TNS1: variants seen among roughly 807,000 people sequenced by gnomAD.
The protein encoded by TNS1 is tensin 1, also known as tensin-1.
A neutral mutation model predicts 168.6 loss-of-function variants in TNS1; 62 were observed. The observed-to-expected ratio is 0.37, with a 90% CI of 0.30 to 0.45. The LOEUF (loss-of-function observed/expected upper bound fraction) is 0.45, where lower values mean the gene tolerates loss of function less well. Ranked by LOEUF, TNS1 falls within the 20% of genes least tolerant of loss-of-function variation. The pLI, the probability that TNS1 is intolerant of heterozygous loss-of-function variation, is 1.00. For missense variants in TNS1, 2,240 were observed against 2,339.4 expected (o/e 0.96, Z 0.88); for synonymous variants, 934 against 933.2 (o/e 1.00, Z -0.02).
intron 3 of TNS1, among the ~76,000 whole-genome samples, chr2:217,955,428 T>A (rs1379106858): frequency 6.6e-6 from 1 of 152,080 alleles, no homozygotes; most frequent in African/African-American, 2.4e-5. Context: ...ACACGAGCCT[T>A]CCTCCCGCAC....
chr2:217,984,713 G>A (rs554494168), intron 2 of TNS1, among the ~76,000 whole-genome samples: 14 of 148,440 alleles, frequency 9.4e-5, no homozygotes, highest in African/African-American at 3.0e-4. Context: ...GGCTGGTATC[G>A]AACTCCTGGG....
At position 217,880,664 on chromosome 2, in the gene TNS1, C is replaced by T. The variant is rs1950593481; in HGVS notation, c.1429+234G>A. Among the ~76,000 whole-genome samples the T allele has an allele frequency of 6.6e-6, 1 of 152,174 alleles. No individual in the cohort carries two copies. Among genetic ancestry groups the T allele is most frequent in the African/African-American group, 2.4e-5 (1 of 41,432 alleles). Reference sequence around the variant, plus strand: ...TGTAGCAACACACTTCCACGATAACCCCCTTGTGGCCATTTTGCTGCCTTC... The same window carrying T: ...TGTAGCAACACACTTCCACGATAACTCCCTTGTGGCCATTTTGCTGCCTTC... On this transcript the variant is annotated intron_variant, in intron 18 of 32. Coordinates refer to ENST00000682258, the MANE Select transcript of TNS1 (RefSeq NM_001387777.1). The surrounding 1 kb of genome is among the most constrained non-coding windows in gnomAD (Gnocchi z 4.2).
At chr2:217,893,652 G>A (rs1171602113) in intron 9 of TNS1, 91 bp from the exon 10 acceptor site, 1 of 1,491,460 alleles carries the variant, frequency 6.7e-7, no homozygotes, top group Non-Finnish European at 9.0e-7. Context: ...GCCAGTACCT[G>A]GGCAGTGGCC....
chr2:217,925,389 C>A (rs548829801), intron 3 of TNS1, among the ~76,000 whole-genome samples: 1 of 152,250 alleles, frequency 6.6e-6, no homozygotes, highest in East Asian at 1.9e-4. Context: ...CACTCCTGTC[C>A]CCAGGCCACC....
chr2:218,002,886 C>A lies in TNS1; in HGVS notation c.-14G>T, dbSNP rs768878809. 1 of 456,818 alleles carries A rather than the reference C, an allele frequency of 2.2e-6. No individual in the cohort carries two copies. The highest frequency in any genetic ancestry group is 1.5e-5 in the South Asian group (1 of 64,574). The allele number at this position is 456,818 out of a possible 1,614,324, so 28.3% of individuals were successfully genotyped here. ...GATCCACGTCATCTTTGCTGGGTCC[C>A]GTCACTGAGGCACGCCCAGGGCCTG... On this transcript the variant is annotated 5_prime_UTR_variant, in exon 1 of 33. Coordinates refer to ENST00000682258, the MANE Select transcript of TNS1 (RefSeq NM_001387777.1).
intron 3 of TNS1, among the ~76,000 whole-genome samples, chr2:217,941,010 G>T (rs1956882596): frequency 6.6e-6 from 1 of 152,126 alleles, no homozygotes; most frequent in Non-Finnish European, 1.5e-5. Flanking sequence ...CAACTGCCTT[G>T]CCTTGCACCC....
At chr2:217,942,797 A>G (rs1458881115) in intron 3 of TNS1, among the ~76,000 whole-genome samples, 1 of 143,992 alleles carries the variant, frequency 6.9e-6, no homozygotes, top group Non-Finnish European at 1.5e-5. Context: ...CTCCTCCTCC[A>G]TCTCCTCCCC....
chr2:217,886,746 T>A, intron 12 of TNS1, 100 bp from the exon 13 acceptor site: 1 of 895,492 alleles, frequency 1.1e-6, no homozygotes, highest in Non-Finnish European at 1.8e-6. Context: ...ACCACTCACC[T>A]ACTCTACCCT....
intron 21 of TNS1, among the ~76,000 whole-genome samples, chr2:217,833,502 C>A (rs138453512): frequency 6.6e-6 from 1 of 152,382 alleles, no homozygotes; most frequent in Non-Finnish European, 1.5e-5. Flanking sequence ...GAAGGCAAAA[C>A]CCAGTTCTAG....
chr2:217,850,115 G>C, intron 18 of TNS1: 3 of 985,374 alleles, frequency 3.0e-6, no homozygotes, highest in Non-Finnish European at 3.6e-6. Flanking sequence ...CTCCAGGAAA[G>C]GGACGCGGGT....
At position 218,002,867 on chromosome 2, in the gene TNS1, C is replaced by G. The variant is rs543142176; in HGVS notation, c.6G>C (p.Thr2=). Residue 2 remains threonine (T), a synonymous_variant, in exon 1 of 33, where the codon ACG becomes ACC. Coordinates refer to ENST00000682258, the MANE Select transcript of TNS1 (RefSeq NM_001387777.1). M[T]WICLSCMLWP... The stretch of plus-strand genomic sequence containing the variant: ...AGAGCATGCAGGACAGACAGATCCA[C>G]GTCATCTTTGCTGGGTCCCGTCACT... 1.3e-4 allele frequency: 58 copies of G among 456,908 alleles called. No homozygotes were observed. The highest frequency in any genetic ancestry group is 2.3e-4 in the Non-Finnish European group (52 of 226,986). The allele number at this position is 456,908 out of a possible 1,614,324, so 28.3% of individuals were successfully genotyped here. A position where few individuals can be genotyped will look rare whatever the true frequency, so the allele number is the denominator to read the frequency against.
chr2:217,885,886 T>G, intron 14 of TNS1, 67 bp from the exon 15 acceptor site: 1 of 1,571,284 alleles, frequency 6.4e-7, no homozygotes, highest in East Asian at 2.2e-5. Flanking sequence ...GGGCATTTTC[T>G]CCCTGCTGCC....
At chr2:217,825,756 G>A (rs1305823628) in intron 22 of TNS1, among the ~76,000 whole-genome samples, 1 of 152,228 alleles carries the variant, frequency 6.6e-6, no homozygotes, top group Non-Finnish European at 1.5e-5. Context: ...TGCAGCCTGG[G>A]AGTCTGATGG....
intron 18 of TNS1, among the ~76,000 whole-genome samples, chr2:217,853,368 A>G (rs1262585794): frequency 6.6e-6 from 1 of 152,156 alleles, no homozygotes; most frequent in African/African-American, 2.4e-5. Context: ...GTTCAGGGGA[A>G]TGCATCTCAG....
rs535109007 is a variant in TNS1, at chr2:217,973,274, G to A, written c.186+5491C>T. The stretch of plus-strand genomic sequence containing the variant: ...CTCGGAAGGCTGAGGTGGGAGGATT[G>A]AGGATGGCTTGAGCCCATGAAACTG... On this transcript the variant is annotated intron_variant, in intron 3 of 32. Coordinates refer to ENST00000682258, the MANE Select transcript of TNS1 (RefSeq NM_001387777.1). Among the ~76,000 whole-genome samples, 227 of 151,002 alleles carry A rather than the reference G, an allele frequency of 1.5e-3. 4 individuals are homozygous for A. The South Asian group carries it at 0.02, about 13-fold the overall frequency.
intron 2 of TNS1, among the ~76,000 whole-genome samples, chr2:217,979,103 C>T (rs539040324): frequency 4.6e-5 from 7 of 152,250 alleles, no homozygotes; most frequent in Admixed American, 1.3e-4. Flanking sequence ...CCACTGGACC[C>T]CTGCCAGGGG....
chr2:217,831,141 G>A (rs891468192), intron 22 of TNS1, among the ~76,000 whole-genome samples: 6 of 152,152 alleles, frequency 3.9e-5, no homozygotes, highest in African/African-American at 7.2e-5. Flanking sequence ...ACGTGTACCC[G>A]AGGGCCTGAA....
intron 3 of TNS1, among the ~76,000 whole-genome samples, chr2:217,956,985 G>A (rs528341416): frequency 7.9e-5 from 12 of 152,332 alleles, no homozygotes; most frequent in South Asian, 6.2e-4. Flanking sequence ...ATCAGGGAGC[G>A]TCAGAGCAGT....
At chr2:218,000,922 C>T (rs965841466) in intron 1 of TNS1, among the ~76,000 whole-genome samples, 2 of 152,116 alleles carry the variant, frequency 1.3e-5, no homozygotes, top group African/African-American at 4.8e-5. Context: ...GAGGCTGAGA[C>T]GGGAGGATCA....
Sources: allele counts gnomAD v4.1 joint callset (sites outside exome capture counted in the v4.1 genomes callset), GRCh38; gene constraint gnomAD v4.1.1; non-coding constraint Gnocchi (gnomAD v3.1); transcripts MANE v1.5; gene names NCBI Gene and HGNC (gene_info 2026-07-23, HGNC 2026-07-21).